Variants in DOK5 observed in about 807,000 individuals in gnomAD.
DOK5 encodes docking protein 5, also known as downstream of tyrosine kinase 5.
In DOK5, 27 loss-of-function variants were observed where a neutral mutation model predicts 43.3. That is an observed-to-expected ratio of 0.62 (90% CI 0.46 to 0.86). The LOEUF (loss-of-function observed/expected upper bound fraction) is 0.86. DOK5 is among the 40% of genes least tolerant of loss of function. The probability of loss-of-function intolerance (pLI) is 0.00; values close to 1 mark genes in which losing one functional copy is unlikely to be tolerated. For synonymous variants in DOK5, 146 were observed against 140.1 expected, an observed-to-expected ratio of 1.04 and a Z score of -0.30; for missense variants, 373 against 392.9, an observed-to-expected ratio of 0.95 and a Z score of 0.43.
chr20:54,481,333 C>G (rs1447799644), intron 1 of DOK5, among the ~76,000 whole-genome samples: 1 of 152,054 alleles, frequency 6.6e-6, no homozygotes, highest in African/African-American at 2.4e-5. Context: ...CCATACCCAG[C>G]TAATTTTTAT....
intron 1 of DOK5, among the ~76,000 whole-genome samples, chr20:54,510,105 AC>A: frequency 6.6e-6 from 1 of 152,288 alleles, no homozygotes; most frequent in South Asian, 2.1e-4. Context: ...GTACCGCAGA[AC>A]TAAAAATAAG....
intron 2 of DOK5, among the ~76,000 whole-genome samples, chr20:54,570,544 C>T (rs901136932): frequency 1.3e-5 from 2 of 152,132 alleles, no homozygotes; most frequent in African/African-American, 4.8e-5. Flanking sequence ...CGGAAAATTA[C>T]CTTTTATGTA....
intron 1 of DOK5, among the ~76,000 whole-genome samples, chr20:54,487,460 G>A (rs1222312328): frequency 2.0e-5 from 3 of 152,078 alleles, no homozygotes; most frequent in East Asian, 1.9e-4. Context: ...AAAAAGCAAA[G>A]TAACTTAATT....
intron 1 of DOK5, among the ~76,000 whole-genome samples, chr20:54,492,733 A>G (rs1289799871): frequency 6.7e-6 from 1 of 149,754 alleles, no homozygotes; most frequent in Non-Finnish European, 1.5e-5. Flanking sequence ...TTTTAGGATC[A>G]GAGGTAACAG....
Position 54,588,834 on chromosome 20 carries a change from C to T in DOK5, c.409+28C>T, listed in dbSNP as rs183251839. The T allele has an allele frequency of 6.5e-5, 104 of 1,610,100 alleles. No homozygotes were observed. The African/African-American group carries it at 1.3e-3, about 20-fold the overall frequency. On this transcript the variant is annotated intron_variant, in intron 4 of 7. Coordinates refer to ENST00000262593, the MANE Select transcript of DOK5 (RefSeq NM_018431.5). ...ATGTAAAGAAAATTCTCTCCTCTCT[C>T]TTTCAAAACTGCTTCTGTCTCCATA...
intron 7 of DOK5, among the ~76,000 whole-genome samples, chr20:54,646,704 C>G (rs1324741486): frequency 3.3e-5 from 5 of 152,164 alleles, no homozygotes; most frequent in Admixed American, 1.3e-4. Flanking sequence ...CCTATACTAC[C>G]TACCTTCCCT....
intron 6 of DOK5, among the ~76,000 whole-genome samples, chr20:54,614,104 A>T (rs1248430238): frequency 6.6e-6 from 1 of 151,842 alleles, no homozygotes; most frequent in Admixed American, 6.6e-5. Flanking sequence ...AAACCTGTGC[A>T]TCAGCTTGAT....
chr20:54,507,698 T>C (rs908280014), intron 1 of DOK5, among the ~76,000 whole-genome samples: 11 of 152,094 alleles, frequency 7.2e-5, no homozygotes, highest in African/African-American at 2.7e-4. Context: ...CCATGAGAAA[T>C]TTGAAGGAAG....
intron 1 of DOK5, among the ~76,000 whole-genome samples, chr20:54,480,387 C>T (rs1388763335): frequency 6.6e-6 from 1 of 152,184 alleles, no homozygotes; most frequent in Non-Finnish European, 1.5e-5. Flanking sequence ...TGGTTTTCCT[C>T]ACTGCTACGT....
intron 2 of DOK5, among the ~76,000 whole-genome samples, 164 bp from the exon 3 acceptor site, chr20:54,588,319 C>T (rs1304516992): frequency 6.6e-6 from 1 of 152,158 alleles, no homozygotes; most frequent in East Asian, 1.9e-4. Context: ...ACAGATAATA[C>T]TAAACTCACT....
chr20:54,569,746 G>A (rs1226311680), intron 2 of DOK5, among the ~76,000 whole-genome samples: 3 of 152,204 alleles, frequency 2.0e-5, no homozygotes, highest in Admixed American at 1.3e-4. Flanking sequence ...AAGAATGCAC[G>A]GTGCACAAAT....
chr20:54,480,310 A>G (rs1345014630), intron 1 of DOK5, among the ~76,000 whole-genome samples: 1 of 152,160 alleles, frequency 6.6e-6, no homozygotes, highest in East Asian at 1.9e-4. Context: ...CCTTGCTGAT[A>G]AAACAGTTTA....
intron 1 of DOK5, among the ~76,000 whole-genome samples, chr20:54,502,234 C>T (rs1408084847): frequency 2.0e-5 from 3 of 152,210 alleles, no homozygotes; most frequent in Non-Finnish European, 4.4e-5. Flanking sequence ...CATTTACATT[C>T]ATTTGTGGAT....
intron 1 of DOK5, among the ~76,000 whole-genome samples, chr20:54,516,049 G>A (rs1319483179): frequency 6.6e-6 from 1 of 152,170 alleles, no homozygotes; most frequent in Admixed American, 6.5e-5. Context: ...ATAGTAAAAT[G>A]TTCACTTGCA....
chr20:54,531,336 A>G (rs749843047), intron 1 of DOK5, among the ~76,000 whole-genome samples: 17 of 152,208 alleles, frequency 1.1e-4, no homozygotes, highest in African/African-American at 3.9e-4. Context: ...CTAAAGCGTC[A>G]AGAACCTAGT....
chr20:54,546,834 C>G (rs920016748), intron 1 of DOK5, among the ~76,000 whole-genome samples: 1 of 152,144 alleles, frequency 6.6e-6, no homozygotes, highest in Non-Finnish European at 1.5e-5. Flanking sequence ...TGGCATCCAC[C>G]TTAATTGTAG....
In DOK5 at chr20:54,591,684, A is replaced by G. The variant is rs1309920729; in HGVS notation, c.478A>G (p.Thr160Ala). 1 of 1,614,120 alleles carries G rather than the reference A, an allele frequency of 6.2e-7. No individual in the cohort carries two copies. Among genetic ancestry groups the G allele is most frequent in the Non-Finnish European group, 8.5e-7 (1 of 1,179,966 alleles). ...ACATGGCGAATGTGCCTTGCAGATT[A>G]CATATGAGTATATCTGTCTTTGGGA... ...DVHGECALQITYEYICLWDVQ... is the reference protein window; with the variant it reads ...DVHGECALQIAYEYICLWDVQ... The change falls in exon 5 of 8, where the codon ACA becomes GCA. Residue 160 changes from threonine to alanine, a missense_variant. Transcript: ENST00000262593.
At chr20:54,497,670 A>G (rs78150893) in intron 1 of DOK5, among the ~76,000 whole-genome samples, 3,020 of 152,338 alleles carry the variant, frequency 0.02, 88 homozygotes, top group African/African-American at 0.064. Flanking sequence ...AAATGTGTCC[A>G]CATATATATT....
In DOK5 at chr20:54,518,246, G is replaced by A. The variant is rs142269649; in HGVS notation, c.67-36687G>A. 9.1e-3 allele frequency among the ~76,000 whole-genome samples: 1,391 copies of A among 152,036 alleles called. 27 individuals are homozygous for A. Among genetic ancestry groups the A allele is most frequent in the African/African-American group, 0.032 (1,338 of 41,438 alleles). On this transcript the variant is annotated intron_variant, in intron 1 of 7. Transcript: ENST00000262593. The stretch of plus-strand genomic sequence containing the variant: ...CCATTAACTCGTCATTTAACATTAG[G>A]TATATCTCCTAACGTTATCCCTCCC...
Sources: gnomAD v4.1 joint callset for allele counts (sites outside exome capture counted in the v4.1 genomes callset) on GRCh38, gnomAD v4.1.1 for gene constraint, MANE v1.5 for transcripts, NCBI Gene and HGNC (gene_info 2026-07-23, HGNC 2026-07-21) for gene names.